PTN: variants seen among roughly 807,000 people sequenced by gnomAD.
PTN encodes the protein heparin affin regulatory protein.
PTN carries 18 observed loss-of-function variants against 24.1 expected under a neutral mutation model. That is an observed-to-expected ratio of 0.75 (90% CI 0.52 to 1.11). The LOEUF is 1.11. Among genes scored for constraint, PTN ranks in the 50% least tolerant of loss-of-function variants. The pLI is 0.00. For synonymous variants in PTN, 78 were observed against 68.6 expected, an observed-to-expected ratio of 1.14 and a Z score of -0.67; for missense variants, 163 against 198.8, an observed-to-expected ratio of 0.82 and a Z score of 1.08.
chr7:137,253,733 T>C (rs1808869761), intron 2 of PTN, 96 bp from the exon 3 acceptor site: 1 of 1,116,548 alleles, frequency 9.0e-7, no homozygotes, highest in Non-Finnish European at 1.2e-6. Context: ...TTGCAGGATC[T>C]GTGTTTTTTA....
chr7:137,331,171 A>G (rs188064973), intron 1 of PTN, among the ~76,000 whole-genome samples: 1 of 129,036 alleles, frequency 7.7e-6, no homozygotes, highest in Non-Finnish European at 1.8e-5. Flanking sequence ...AGACATTAGA[A>G]ACCCACAGAG....
At chr7:137,336,129 T>C (rs1810444741) in intron 1 of PTN, among the ~76,000 whole-genome samples, 1 of 152,154 alleles carries the variant, frequency 6.6e-6, no homozygotes, top group Non-Finnish European at 1.5e-5. Flanking sequence ...TTAAGTTCAG[T>C]TCATGTTCAG....
intron 4 of PTN, among the ~76,000 whole-genome samples, chr7:137,237,400 G>T (rs2128868415): frequency 6.6e-6 from 1 of 152,212 alleles, no homozygotes; most frequent in Admixed American, 6.5e-5. Context: ...ATGGTACTTT[G>T]TCACGACAGC....
Position 137,253,497 on chromosome 7 carries a change from T to G in PTN, c.256A>C (p.Lys86Gln). The G allele has an allele frequency of 6.2e-7, 1 of 1,610,902 alleles. No individual in the cohort carries two copies. The highest frequency in any genetic ancestry group is 8.5e-7 in the Non-Finnish European group (1 of 1,178,404). The change falls in exon 3 of 5, where the codon AAG (lysine) becomes CAG (glutamine). Residue 86 changes from lysine to glutamine, a missense_variant. Physicochemically the swap from Lys to Gln is moderately conservative, Grantham distance 53. Coordinates refer to ENST00000348225, the MANE Select transcript of PTN (RefSeq NM_002825.7). Reference protein sequence around the residue: ...CKQTMKTQRCKIPCNWKKQFG... With the variant: ...CKQTMKTQRCQIPCNWKKQFG... ...TGCTTCTTCCAGTTGCAGGGGATCTTACATCTCTGGGTCTTCATGGTTTGC... is the reference window on the plus strand; with the variant it reads ...TGCTTCTTCCAGTTGCAGGGGATCTGACATCTCTGGGTCTTCATGGTTTGC...
rs11539933 is a variant in PTN, at chr7:137,227,980, G to C, written c.*40C>G. ...ATAAATGCAATAGTTAACTGATCCT[G>C]TTTGCTGATGTCCTTTTTATGTTCC... On this transcript the variant is annotated 3_prime_UTR_variant, in exon 5 of 5. Transcript: ENST00000348225. 1.4e-5 allele frequency: 22 copies of C among 1,600,716 alleles called. No individual in the cohort carries two copies. Among genetic ancestry groups the C allele is most frequent in the Non-Finnish European group, 1.7e-5 (20 of 1,174,776 alleles).
chr7:137,237,431 G>A (rs977566435), intron 4 of PTN, among the ~76,000 whole-genome samples: 9 of 152,064 alleles, frequency 5.9e-5, no homozygotes, highest in Admixed American at 1.3e-4. Flanking sequence ...TAATGCATCC[G>A]CGAATTCGAT....
chr7:137,272,413 C>A (rs990612129), intron 1 of PTN, among the ~76,000 whole-genome samples: 24 of 152,234 alleles, frequency 1.6e-4, no homozygotes, highest in African/African-American at 5.1e-4. Context: ...AAATCCTTAT[C>A]ACTGTCCAAG....
intron 1 of PTN, among the ~76,000 whole-genome samples, chr7:137,321,665 T>C (rs1810165269): frequency 6.6e-6 from 1 of 152,212 alleles, no homozygotes; most frequent in East Asian, 1.9e-4. Flanking sequence ...CTTCTTCTTG[T>C]CACAGCACTA....
chr7:137,289,565 T>C (rs1290361917), intron 1 of PTN, among the ~76,000 whole-genome samples: 3 of 152,120 alleles, frequency 2.0e-5, no homozygotes, highest in Non-Finnish European at 4.4e-5. Context: ...CTGAGTCTTG[T>C]GGTCAGAGAC....
intron 3 of PTN, among the ~76,000 whole-genome samples, chr7:137,252,705 T>C (rs1431527465): frequency 6.6e-6 from 1 of 151,884 alleles, no homozygotes; most frequent in Non-Finnish European, 1.5e-5. Context: ...AGATAGGACA[T>C]TTCAGGCATC....
chr7:137,256,480 T>C (rs972559935), intron 1 of PTN, among the ~76,000 whole-genome samples: 68 of 152,230 alleles, frequency 4.5e-4, no homozygotes, highest in African/African-American at 1.6e-3. Flanking sequence ...CTCATGTCCC[T>C]GCAAAGGACA....
At chr7:137,314,796 T>A (rs1048246367) in intron 1 of PTN, among the ~76,000 whole-genome samples, 1 of 152,034 alleles carries the variant, frequency 6.6e-6, no homozygotes, top group African/African-American at 2.4e-5. Flanking sequence ...GCTTTCAACA[T>A]GTTGGCCAGG....
intron 1 of PTN, among the ~76,000 whole-genome samples, chr7:137,319,592 ACCCAGGATGTCTC>A (rs904794343): frequency 1.7e-4 from 26 of 152,190 alleles, no homozygotes; most frequent in African/African-American, 6.0e-4. Context: ...GAAATGGAAA[ACCCAGGATGTCTC>A]CCCTGTGGGG....
At chr7:137,251,078 A>T in intron 4 of PTN, 152 bp downstream of exon 4, 2 of 887,130 alleles carry the variant, frequency 2.3e-6, no homozygotes, top group Non-Finnish European at 3.4e-6. Context: ...AAGTATTTTT[A>T]AAGTATTTTT....
At chr7:137,229,906 A>G (rs1037783387) in intron 4 of PTN, among the ~76,000 whole-genome samples, 1 of 151,826 alleles carries the variant, frequency 6.6e-6, no homozygotes, top group Non-Finnish European at 1.5e-5. Flanking sequence ...TCAACATTTT[A>G]GGCAACAGCT....
chr7:137,235,087 A>C (rs1808496434), intron 4 of PTN, among the ~76,000 whole-genome samples: 1 of 152,116 alleles, frequency 6.6e-6, no homozygotes, highest in Admixed American at 6.6e-5. Context: ...AAGACCACTG[A>C]AAGTTCACTT....
At chr7:137,300,716 A>G (rs1348435562) in intron 1 of PTN, among the ~76,000 whole-genome samples, 1 of 151,972 alleles carries the variant, frequency 6.6e-6, no homozygotes, top group African/African-American at 2.4e-5. Context: ...ACACTCCCCC[A>G]GTAACAACAC....
intron 1 of PTN, among the ~76,000 whole-genome samples, chr7:137,339,245 A>G (rs938155238): frequency 3.3e-5 from 5 of 152,146 alleles, no homozygotes; most frequent in Admixed American, 3.3e-4. Flanking sequence ...AAAGAATTTC[A>G]CAAGTTCACA....
intron 4 of PTN, among the ~76,000 whole-genome samples, chr7:137,231,751 G>A (rs765123237): frequency 6.6e-6 from 1 of 151,888 alleles, no homozygotes. Flanking sequence ...TTAGAATCTT[G>A]TCAAATTTCA....
Sources: gnomAD v4.1 joint callset for allele counts (sites outside exome capture counted in the v4.1 genomes callset) on GRCh38, gnomAD v4.1.1 for gene constraint, MANE v1.5 for transcripts, NCBI Gene and HGNC (gene_info 2026-07-23, HGNC 2026-07-21) for gene names.